The following ADAM11 variants were observed in gnomAD, a reference collection of about 807,000 sequenced individuals.
ADAM11 encodes disintegrin and metalloproteinase domain-containing protein 11.
A neutral mutation model predicts 119.1 loss-of-function variants in ADAM11; 49 were observed. The ratio of observed to expected loss-of-function variants is 0.41; its 90% CI spans 0.33 to 0.52. The LOEUF is 0.52. ADAM11 is among the 20% of genes least tolerant of loss of function. The probability of loss-of-function intolerance (pLI) is 0.20; values close to 1 mark genes in which losing one functional copy is unlikely to be tolerated. For synonymous variants in ADAM11, 364 were observed against 408.0 expected, an observed-to-expected ratio of 0.89 and a Z score of 1.30; for missense variants, 777 against 1,047.5, an observed-to-expected ratio of 0.74 and a Z score of 3.56.
intron 2 of ADAM11, among the ~76,000 whole-genome samples, chr17:44,769,205 C>G (rs2049487132): frequency 6.6e-6 from 1 of 152,222 alleles, no homozygotes; most frequent in Non-Finnish European, 1.5e-5. Flanking sequence ...CCTAGCCATC[C>G]ATTCCCACCC....
In ADAM11 at chr17:44,780,495, G is replaced by A. The variant is rs537986108; in HGVS notation, c.*741G>A. On this transcript the variant is annotated 3_prime_UTR_variant, in exon 27 of 27. Transcript: ENST00000200557. ...GTACGGCAACCACATGTCCCAGATC[G>A]TCTCCAATTCGAAAACAACCGTCCT... 3.9e-5 allele frequency: 10 copies of A among 255,004 alleles called. No individual in the cohort carries two copies. Among genetic ancestry groups the A allele is most frequent in the African/African-American group, 7.0e-5 (3 of 42,586 alleles). 15.8% of individuals were successfully genotyped at this position (255,004 alleles called of 1,614,324 possible).
chr17:44,764,316 C>T (rs1197136591), intron 2 of ADAM11, among the ~76,000 whole-genome samples: 2 of 152,214 alleles, frequency 1.3e-5, no homozygotes, highest in Non-Finnish European at 2.9e-5. Flanking sequence ...TTTCGTCCTG[C>T]AGAAAGGCGG....
rs764467638 is a variant in ADAM11, at chr17:44,769,744, C to T, written c.264C>T (p.Phe88=). Residue 88 remains phenylalanine, a synonymous_variant, in exon 3 of 27, where the codon TTC becomes TTT. Coordinates refer to ENST00000200557, the MANE Select transcript of ADAM11 (RefSeq NM_002390.6). ...CTGTCCATCTGGCCCAGGTGAGTTT[C>T]GTCATCCCAGCCTTCAACTCAAACT... ...GPPVHLAQVS[F]VIPAFNSNFT... 26 of 1,614,046 alleles carry T rather than the reference C, an allele frequency of 1.6e-5. No individual in the cohort carries two copies. The highest frequency in any genetic ancestry group is 2.1e-5 in the Non-Finnish European group (25 of 1,179,948).
At position 44,777,627 on chromosome 17, in the gene ADAM11, A is replaced by C. The variant is rs1247945941; in HGVS notation, c.1901+26A>C. The C allele has an allele frequency of 6.2e-7, 1 of 1,613,768 alleles. No homozygotes were observed. The highest frequency in any genetic ancestry group is 2.2e-5 in the East Asian group (1 of 44,876). On this transcript the variant is annotated intron_variant, in intron 22 of 26. Coordinates refer to ENST00000200557, the MANE Select transcript of ADAM11 (RefSeq NM_002390.6). The surrounding 1 kb of genome is among the most constrained non-coding windows in gnomAD (Gnocchi z 5.1). ...GTGCTGGCCAGGACCAAGACTAGGG[A>C]GGGGAGGTTGCAGCTGTGCTGGGGG...
At chr17:44,765,148 G>A (rs1444969746) in intron 2 of ADAM11, among the ~76,000 whole-genome samples, 1 of 148,756 alleles carries the variant, frequency 6.7e-6, no homozygotes, top group Admixed American at 7.0e-5. Context: ...CATTGCCTGG[G>A]AATCCCGCTG....
rs753050485 is a variant in ADAM11 at position 44,769,943 on chromosome 17, CGCCCGTGACCCCCCTTCCT to C, written c.315-36_315-18del. 6.2e-7 allele frequency: 1 copy of C among 1,613,026 alleles called. No homozygotes were observed. The highest frequency in any genetic ancestry group is 1.1e-5 in the South Asian group (1 of 91,048). The stretch of plus-strand genomic sequence containing the variant: ...GCGAGCCTCAAGCCCGACCTCACCT[CGCCCGTGACCCCCCTTCCT>C]GCTGCCCCCTCTGTCTCAGCCACCT... On this transcript the variant is annotated intron_variant, in intron 3 of 26. Transcript: ENST00000200557.
chr17:44,779,329 C>A, intron 26 of ADAM11, 90 bp downstream of exon 26: 1 of 1,495,946 alleles, frequency 6.7e-7, no homozygotes, highest in African/African-American at 1.5e-5. Context: ...CGTCACCCCG[C>A]GTTCTGTTGA....
rs1273691852 is a variant in ADAM11, at chr17:44,779,541, G to T, written c.2295-198G>T. On this transcript the variant is annotated intron_variant, in intron 26 of 26. Transcript: ENST00000200557. ...TGCGCCCCTGGCAGTCCCCATCCCCGGGAGGGCCCTCCCTGTGCGTCCCAT... is the reference window on the plus strand; with the variant it reads ...TGCGCCCCTGGCAGTCCCCATCCCCTGGAGGGCCCTCCCTGTGCGTCCCAT... The T allele has an allele frequency of 4.2e-5, 41 of 985,164 alleles. 1 individual carries two copies. Among genetic ancestry groups the T allele is most frequent in the African/African-American group, 5.2e-5 (3 of 57,172 alleles). The allele number at this position is 985,164 out of a possible 1,614,324, so 61.0% of individuals were successfully genotyped here. A position where few individuals can be genotyped will look rare whatever the true frequency, so the allele number is the denominator to read the frequency against.
Position 44,775,126 on chromosome 17 carries a change from C to T in ADAM11, c.1221-86C>T, listed in dbSNP as rs2049581042. 6.9e-6 allele frequency: 8 copies of T among 1,157,730 alleles called. No homozygotes were observed. Among genetic ancestry groups the T allele is most frequent in the African/African-American group, 3.0e-5 (2 of 66,134 alleles). 71.7% of individuals were successfully genotyped at this position (1,157,730 alleles called of 1,614,324 possible). A position where few individuals can be genotyped will look rare whatever the true frequency, so the allele number is the denominator to read the frequency against. On this transcript the variant is annotated intron_variant, in intron 14 of 26. Coordinates refer to ENST00000200557, the MANE Select transcript of ADAM11 (RefSeq NM_002390.6). This position sits in a 1 kb window ranked among gnomAD's most constrained non-coding sequence, Gnocchi z 7.5. ...CCTCCTCGCGATGGTGACGAAGTCCCCCAGTGTACCCCCTCCCCAGCCTTG... is the reference window on the plus strand; with the variant it reads ...CCTCCTCGCGATGGTGACGAAGTCCTCCAGTGTACCCCCTCCCCAGCCTTG...
At position 44,772,462 on chromosome 17, in the gene ADAM11, G is replaced by T; in HGVS notation, c.674G>T (p.Arg225Met). Residue 225 changes from arginine (R) to methionine (M), a missense_variant, in exon 8 of 27, where the codon AGG (arginine) becomes ATG (methionine). Transcript: ENST00000200557. This position sits in a 1 kb window ranked among gnomAD's most constrained non-coding sequence, Gnocchi z 4.5. Reference protein sequence around the residue: ...PPNRPRLRRKRQVRRGHPTVH... With the variant: ...PPNRPRLRRKMQVRRGHPTVH... The stretch of plus-strand genomic sequence containing the variant: ...AACCGGCCGAGGCTGAGAAGGAAAA[G>T]GCAGGTACGGGGGCCCGCACAGACC... 1 of 1,567,944 alleles carries T rather than the reference G, an allele frequency of 6.4e-7. No individual in the cohort carries two copies.
At chr17:44,769,928 AGCCCGACCTCACCTC>A (rs1327424267) in intron 3 of ADAM11, 39 bp from the exon 4 acceptor site, 1 of 1,611,170 alleles carries the variant, frequency 6.2e-7, no homozygotes. Context: ...GCGAGCCTCA[AGCCCGACCTCACCTC>A]GCCCGTGACC....
intron 3 of ADAM11, 52 bp from the exon 4 acceptor site, chr17:44,769,930 C>T: frequency 6.2e-7 from 1 of 1,610,868 alleles, no homozygotes; most frequent in Non-Finnish European, 8.5e-7. Flanking sequence ...GAGCCTCAAG[C>T]CCGACCTCAC....
chr17:44,779,016 T>A (rs1180948330), intron 25 of ADAM11, among the ~76,000 whole-genome samples: 1 of 152,162 alleles, frequency 6.6e-6, no homozygotes, highest in African/African-American at 2.4e-5. Flanking sequence ...ATTGAGTTAG[T>A]AGCAGAGTCA....
chr17:44,774,128 A>G (rs1462445734), intron 11 of ADAM11, among the ~76,000 whole-genome samples, 167 bp from the exon 12 acceptor site: 1 of 151,870 alleles, frequency 6.6e-6, no homozygotes, highest in Admixed American at 6.6e-5. Context: ...AAAAGAACCC[A>G]AGGAGGGGGG....
At chr17:44,762,824 G>C in intron 2 of ADAM11, among the ~76,000 whole-genome samples, 1 of 152,098 alleles carries the variant, frequency 6.6e-6, no homozygotes, top group Admixed American at 6.6e-5. Context: ...CTGGGACAGG[G>C]GAAGAGATAT....
At chr17:44,779,633 T>C in intron 26 of ADAM11, 106 bp from the exon 27 acceptor site, 1 of 1,502,228 alleles carries the variant, frequency 6.7e-7, no homozygotes. Context: ...AGCCTGTGAC[T>C]TGCCGCCTGC....
chr17:44,760,058 A>G (rs1279619892), intron 2 of ADAM11, among the ~76,000 whole-genome samples, 161 bp downstream of exon 2: 1 of 151,948 alleles, frequency 6.6e-6, no homozygotes, highest in African/African-American at 2.4e-5. Flanking sequence ...ACTGGTGGGG[A>G]GCACCAGGCC....
chr17:44,771,167 G>A (rs550641532), intron 4 of ADAM11, among the ~76,000 whole-genome samples: 1 of 152,152 alleles, frequency 6.6e-6, no homozygotes, highest in East Asian at 1.9e-4. Context: ...GGTGGCACAT[G>A]CCTGTAATCC....
Position 44,770,004 on chromosome 17 carries a change from G to T in ADAM11, c.337G>T (p.Val113Leu), listed in dbSNP as rs747120088. The T allele has an allele frequency of 6.2e-7, 1 of 1,614,130 alleles. No individual in the cohort carries two copies. The highest frequency in any genetic ancestry group is 1.1e-5 in the South Asian group (1 of 91,092). ...CAGCCACCTCCTCTCCTCGCAATAC[G>T]TGGAGCGCCACTTCAGCCGGGAGGG... ...LNHHLLSSQY[V>L]ERHFSREGTT... The change falls in exon 4 of 27, where the codon GTG (valine) becomes TTG (leucine). Residue 113 changes from valine to leucine, a missense_variant. Physicochemically the swap from Val to Leu is conservative, Grantham distance 32 (BLOSUM62 1). Around this residue, in one of 4 missense-constraint regions of ADAM11, gnomAD observed 278 missense variants for 310.1 expected, o/e 0.90. Coordinates refer to ENST00000200557, the MANE Select transcript of ADAM11 (RefSeq NM_002390.6).
Sources: allele counts gnomAD v4.1 joint callset (sites outside exome capture counted in the v4.1 genomes callset), GRCh38; gene constraint gnomAD v4.1.1; regional missense constraint gnomAD v4.1.1; non-coding constraint Gnocchi (gnomAD v3.1); transcripts MANE v1.5; gene names NCBI Gene and HGNC (gene_info 2026-07-23, HGNC 2026-07-21).